The following FSTL5 variants were observed in gnomAD, a reference collection of about 807,000 sequenced individuals.
FSTL5 encodes follistatin-related protein 5.
Under a neutral mutation model 89.1 loss-of-function variants are expected in FSTL5, and 62 were observed. That is an observed-to-expected ratio of 0.70 (90% CI 0.57 to 0.86). The LOEUF is 0.86. Among genes scored for constraint, FSTL5 ranks in the 40% least tolerant of loss-of-function variants. The pLI is 0.00. For missense variants in FSTL5, 1,057 were observed against 1,001.6 expected (o/e 1.06, Z -0.75); for synonymous variants, 383 against 346.2 (o/e 1.11, Z -1.18).
chr4:161,484,279 C>T (rs1729607681), intron 12 of FSTL5, among the ~76,000 whole-genome samples: 1 of 152,100 alleles, frequency 6.6e-6, no homozygotes, highest in Non-Finnish European at 1.5e-5. Context: ...CGGCATCATT[C>T]CTAAAGACAG....
intron 3 of FSTL5, among the ~76,000 whole-genome samples, chr4:162,003,609 A>T (rs72693225): frequency 2.0e-5 from 3 of 152,326 alleles, no homozygotes; most frequent in Non-Finnish European, 2.9e-5. Context: ...AACGAATGAC[A>T]TGATGAAAAT....
At chr4:161,792,126 C>A (rs1490749936) in intron 4 of FSTL5, among the ~76,000 whole-genome samples, 1 of 152,174 alleles carries the variant, frequency 6.6e-6, no homozygotes, top group African/African-American at 2.4e-5. Context: ...TGGGCTCTCC[C>A]AACTCCTGGT....
intron 15 of FSTL5, among the ~76,000 whole-genome samples, chr4:161,434,431 T>C (rs2126349016): frequency 6.6e-6 from 1 of 152,220 alleles, no homozygotes; most frequent in East Asian, 1.9e-4. Flanking sequence ...GGCTTAAATA[T>C]GAGACCTCAA....
intron 3 of FSTL5, among the ~76,000 whole-genome samples, chr4:161,950,323 A>G (rs541216735): frequency 8.6e-5 from 13 of 151,926 alleles, no homozygotes; most frequent in African/African-American, 2.9e-4. Flanking sequence ...TTTGCTGTCC[A>G]CTCTTATTCC....
chr4:162,147,630 A>C (rs1733053668), intron 1 of FSTL5, among the ~76,000 whole-genome samples: 1 of 152,226 alleles, frequency 6.6e-6, no homozygotes, highest in South Asian at 2.1e-4. Flanking sequence ...TCAGTTTACT[A>C]TCTTTTCTTT....
intron 6 of FSTL5, among the ~76,000 whole-genome samples, chr4:161,672,715 A>T (rs1314625400): frequency 2.7e-5 from 4 of 148,064 alleles, no homozygotes; most frequent in Admixed American, 6.7e-5. Flanking sequence ...TTAAAAAAAA[A>T]AAACCCAAAA....
chr4:161,739,116 T>C (rs748106249), intron 6 of FSTL5, among the ~76,000 whole-genome samples: 7 of 152,230 alleles, frequency 4.6e-5, no homozygotes, highest in Non-Finnish European at 7.3e-5. Flanking sequence ...AATTCATATG[T>C]TGAAATTCTC....
At chr4:161,462,081 T>A (rs1365240574) in intron 13 of FSTL5, among the ~76,000 whole-genome samples, 4 of 152,196 alleles carry the variant, frequency 2.6e-5, no homozygotes, top group African/African-American at 9.6e-5. Flanking sequence ...CTTTCATAAG[T>A]ATTATCTTAT....
intron 4 of FSTL5, among the ~76,000 whole-genome samples, chr4:161,913,114 CA>C (rs1043376163): frequency 2.0e-5 from 3 of 151,858 alleles, no homozygotes; most frequent in Non-Finnish European, 2.9e-5. Flanking sequence ...CATAAAAGTT[CA>C]AAAAAAATTT....
intron 11 of FSTL5, among the ~76,000 whole-genome samples, chr4:161,505,283 G>A (rs546646056): frequency 1.6e-4 from 24 of 152,136 alleles, no homozygotes; most frequent in Admixed American, 6.5e-4. Flanking sequence ...CCTGACTTTG[G>A]AGATAACATT....
At chr4:161,686,558 C>T (rs190505101) in intron 6 of FSTL5, among the ~76,000 whole-genome samples, 4 of 150,752 alleles carry the variant, frequency 2.7e-5, no homozygotes, top group Non-Finnish European at 4.4e-5. Context: ...GACAGGGTTT[C>T]ACCGTGTTAT....
chr4:161,904,922 G>A (rs1300378573), intron 4 of FSTL5, among the ~76,000 whole-genome samples: 1 of 151,710 alleles, frequency 6.6e-6, no homozygotes, highest in Non-Finnish European at 1.5e-5. Context: ...CTATGTATAT[G>A]TATATGTATA....
chr4:161,459,518 T>C (rs1330639409), intron 13 of FSTL5, among the ~76,000 whole-genome samples, 199 bp from the exon 14 acceptor site: 2 of 152,120 alleles, frequency 1.3e-5, no homozygotes, highest in Non-Finnish European at 2.9e-5. Flanking sequence ...TAAAGTATTA[T>C]CTTTCTAAAT....
intron 6 of FSTL5, among the ~76,000 whole-genome samples, chr4:161,741,324 T>C (rs1196959920): frequency 6.6e-6 from 1 of 151,934 alleles, no homozygotes; most frequent in Admixed American, 6.6e-5. Context: ...TCCTTACAAG[T>C]GAAAGAGGGC....
chr4:161,971,102 G>T (rs1038468528), intron 3 of FSTL5, among the ~76,000 whole-genome samples: 1 of 151,944 alleles, frequency 6.6e-6, no homozygotes, highest in Non-Finnish European at 1.5e-5. Context: ...TATCATAATA[G>T]CCATAGTAAA....
chr4:161,977,733 G>C (rs1735705649), intron 3 of FSTL5, among the ~76,000 whole-genome samples: 2 of 150,472 alleles, frequency 1.3e-5, no homozygotes, highest in South Asian at 2.1e-4. Flanking sequence ...GCCCATCATG[G>C]GATTGGCAAC....
At chr4:162,121,043 T>C (rs1332577903) in intron 1 of FSTL5, among the ~76,000 whole-genome samples, 8 of 151,928 alleles carry the variant, frequency 5.3e-5, no homozygotes, top group African/African-American at 1.4e-4. Flanking sequence ...TCTAGTTATA[T>C]ACAAAGATGG....
chr4:161,409,565 A>G (rs758413039), intron 15 of FSTL5, among the ~76,000 whole-genome samples: 1 of 152,026 alleles, frequency 6.6e-6, no homozygotes, highest in Non-Finnish European at 1.5e-5. Flanking sequence ...TAATTTTAGT[A>G]GAGATGGGGT....
At chr4:161,678,789 G>A (rs1214174254) in intron 6 of FSTL5, among the ~76,000 whole-genome samples, 3 of 151,740 alleles carry the variant, frequency 2.0e-5, no homozygotes, top group Non-Finnish European at 4.4e-5. Context: ...ACATCATTTG[G>A]AGATTTACTG....
Sources: allele counts gnomAD v4.1 joint callset (sites outside exome capture counted in the v4.1 genomes callset), GRCh38; gene constraint gnomAD v4.1.1; transcripts MANE v1.5; gene names NCBI Gene and HGNC (gene_info 2026-07-23, HGNC 2026-07-21).